Variants in SMURF1 observed in about 807,000 individuals in gnomAD.
SMURF1 encodes E3 ubiquitin-protein ligase SMURF1.
Under a neutral mutation model 98.0 loss-of-function variants are expected in SMURF1, and 44 were observed. That is an observed-to-expected ratio of 0.45 (90% confidence interval 0.35 to 0.58). SMURF1 has a LOEUF of 0.58. SMURF1 is among the 20% of genes least tolerant of loss of function. The pLI is 0.00. For synonymous variants in SMURF1, 396 were observed against 374.9 expected (o/e 1.06, Z -0.65); for missense variants, 687 against 938.4 (o/e 0.73, Z 3.50).
intron 1 of SMURF1, among the ~76,000 whole-genome samples, chr7:99,141,181 C>T (rs1798111491): frequency 6.6e-6 from 1 of 152,228 alleles, no homozygotes; most frequent in Non-Finnish European, 1.5e-5. Flanking sequence ...TTCCTCAAAG[C>T]ATTCTTGCTT....
In SMURF1 at chr7:99,028,879, G is replaced by C. The variant is rs1794787871; in HGVS notation, c.*1705C>G. ...AGGAAGATGATGCAAGGAAAGGCTG[G>C]ATACAGCCACTGGGGAACGGGCTTC... On this transcript the variant is annotated 3_prime_UTR_variant, in exon 18 of 18. Transcript: ENST00000361368. The C allele has an allele frequency of 6.6e-6, 1 of 152,256 alleles. No homozygotes were observed. Among genetic ancestry groups the C allele is most frequent in the African/African-American group, 2.4e-5 (1 of 41,464 alleles). 9.4% of individuals were successfully genotyped at this position (152,256 alleles called of 1,614,324 possible). A position where few individuals can be genotyped will look rare whatever the true frequency, so the allele number is the denominator to read the frequency against.
intron 1 of SMURF1, among the ~76,000 whole-genome samples, chr7:99,104,836 G>C (rs1322699342): frequency 1.3e-5 from 2 of 152,174 alleles, no homozygotes; most frequent in African/African-American, 4.8e-5. Flanking sequence ...AGCAATAGGG[G>C]CTTCACGCAG....
intron 1 of SMURF1, among the ~76,000 whole-genome samples, chr7:99,137,711 A>G (rs778593194): frequency 5.3e-5 from 8 of 152,256 alleles, no homozygotes; most frequent in Non-Finnish European, 7.3e-5. Context: ...GGAGGTGAAC[A>G]CAGCTGGAAT....
chr7:99,034,048 T>A (rs1479820982), intron 16 of SMURF1, among the ~76,000 whole-genome samples: 1 of 152,224 alleles, frequency 6.6e-6, no homozygotes, highest in African/African-American at 2.4e-5. Context: ...CATCTTTATG[T>A]TGGGCAGAGG....
intron 1 of SMURF1, among the ~76,000 whole-genome samples, chr7:99,082,364 G>A (rs1297622608): frequency 6.6e-6 from 1 of 152,178 alleles, no homozygotes; most frequent in Non-Finnish European, 1.5e-5. Context: ...CCAAAGTATT[G>A]AAGATTTATT....
intron 11 of SMURF1, among the ~76,000 whole-genome samples, chr7:99,045,052 TCGCTTGAGCCCAGG>T (rs1208483745): frequency 6.6e-6 from 1 of 152,026 alleles, no homozygotes; most frequent in African/African-American, 2.4e-5. Context: ...GGTAGGAGGA[TCGCTTGAGCCCAGG>T]AGGTTGAGGC....
chr7:99,127,920 A>T (rs1797781561), intron 1 of SMURF1, among the ~76,000 whole-genome samples: 1 of 152,180 alleles, frequency 6.6e-6, no homozygotes, highest in Non-Finnish European at 1.5e-5. Context: ...TACGAAATGT[A>T]CTTAAATCGA....
intron 1 of SMURF1, among the ~76,000 whole-genome samples, chr7:99,120,149 T>C (rs1797572688): frequency 6.6e-6 from 1 of 152,248 alleles, no homozygotes; most frequent in East Asian, 1.9e-4. Flanking sequence ...ATGTGATGCC[T>C]GCTCTCTGTC....
At chr7:99,115,353 G>A (rs550110757) in intron 1 of SMURF1, among the ~76,000 whole-genome samples, 30 of 152,264 alleles carry the variant, frequency 2.0e-4, no homozygotes, top group Admixed American at 8.5e-4. Flanking sequence ...AGCACTTTGC[G>A]AGGCTGAAGC....
Position 99,035,525 on chromosome 7 carries a change from C to CTTGAAGCCTTG in SMURF1, c.1990_2000dup (p.Lys667AsnfsTer23). 6.2e-7 allele frequency: 1 copy of CTTGAAGCCTTG among 1,614,198 alleles called. No individual in the cohort carries two copies. The highest frequency in any genetic ancestry group is 1.1e-5 in the South Asian group (1 of 91,082). On this transcript the variant is annotated frameshift_variant, in exon 16 of 18. Transcript: ENST00000361368. LOFTEE classifies it high-confidence loss of function. ...CTCCACGTCAGTCACCTTGCAAAGC[C>CTTGAAGCCTTG]TTGAAGCCTTGGAGCGGGACTCGCG...
At chr7:99,065,916 C>T (rs1584472858) in intron 1 of SMURF1, among the ~76,000 whole-genome samples, 2 of 151,964 alleles carry the variant, frequency 1.3e-5, no homozygotes, top group South Asian at 4.2e-4. Flanking sequence ...TGTGGAGGTG[C>T]GTGCCTGTAG....
At chr7:99,066,747 C>T (rs1486876397) in intron 1 of SMURF1, among the ~76,000 whole-genome samples, 1 of 150,766 alleles carries the variant, frequency 6.6e-6, no homozygotes, top group African/African-American at 2.4e-5. Flanking sequence ...CCACTGCACT[C>T]CAGCCTGGGT....
chr7:99,063,240 TTTATATATATA>T (rs1796084444), intron 1 of SMURF1, among the ~76,000 whole-genome samples: 1 of 7,320 alleles, frequency 1.4e-4, no homozygotes. Flanking sequence ...ATAAGATTTA[TTTATATATATA>T]TATATATATA....
At chr7:99,101,039 T>C (rs993631820) in intron 1 of SMURF1, among the ~76,000 whole-genome samples, 1 of 152,226 alleles carries the variant, frequency 6.6e-6, no homozygotes, top group African/African-American at 2.4e-5. Context: ...TTTCCAGCCA[T>C]CTCTTCATTT....
intron 1 of SMURF1, among the ~76,000 whole-genome samples, chr7:99,067,466 A>G (rs1173336262): frequency 6.6e-6 from 1 of 152,062 alleles, no homozygotes; most frequent in African/African-American, 2.4e-5. Context: ...CCTTAGCCAG[A>G]TCATGCCTCT....
At chr7:99,090,717 C>T (rs1448024205) in intron 1 of SMURF1, among the ~76,000 whole-genome samples, 1 of 152,108 alleles carries the variant, frequency 6.6e-6, no homozygotes, top group Non-Finnish European at 1.5e-5. Context: ...TTTCCTACTG[C>T]CAATAAAAAA....
intron 5 of SMURF1, among the ~76,000 whole-genome samples, chr7:99,056,866 G>GGT (rs1795887573): frequency 6.6e-6 from 1 of 151,842 alleles, no homozygotes; most frequent in Non-Finnish European, 1.5e-5. Context: ...AGCCAGGCGT[G>GGT]GTGGCACACA....
intron 1 of SMURF1, among the ~76,000 whole-genome samples, chr7:99,103,348 T>G (rs1382506364): frequency 2.0e-5 from 3 of 152,192 alleles, no homozygotes; most frequent in African/African-American, 7.2e-5. Flanking sequence ...AATAAAGCAA[T>G]TTCTGGAAAG....
intron 1 of SMURF1, among the ~76,000 whole-genome samples, chr7:99,065,581 C>G (rs1041291983): frequency 1.3e-5 from 2 of 152,222 alleles, no homozygotes; most frequent in East Asian, 3.9e-4. Flanking sequence ...TTCACATTGG[C>G]CTATAATGTT....
Sources: allele counts gnomAD v4.1 joint callset (sites outside exome capture counted in the v4.1 genomes callset), GRCh38; gene constraint gnomAD v4.1.1; transcripts MANE v1.5; gene names NCBI Gene and HGNC (gene_info 2026-07-23, HGNC 2026-07-21).